CELF4: variants seen among roughly 807,000 people sequenced by gnomAD.
CELF4 encodes the protein CUG-BP- and ETR-3-like factor 4.
In CELF4, 18 loss-of-function variants were observed where a neutral mutation model predicts 59.9. The ratio of observed to expected loss-of-function variants is 0.30; its 90% CI spans 0.21 to 0.45. The LOEUF is 0.45. CELF4 is among the 20% of genes least tolerant of loss of function. The pLI is 1.00. For synonymous variants in CELF4, 261 were observed against 267.1 expected (o/e 0.98, Z 0.22); for missense variants, 456 against 689.0 (o/e 0.66, Z 3.79).
intron 2 of CELF4, among the ~76,000 whole-genome samples, chr18:37,343,656 A>C (rs1298795086): frequency 6.6e-6 from 1 of 152,086 alleles, no homozygotes; most frequent in Non-Finnish European, 1.5e-5. Flanking sequence ...GCCTGACTGC[A>C]AGCTGGGCAC....
At chr18:37,270,368 G>A (rs1203337907) in intron 8 of CELF4, among the ~76,000 whole-genome samples, 1 of 152,224 alleles carries the variant, frequency 6.6e-6, no homozygotes, top group Admixed American at 6.5e-5. Context: ...TTCCCAAAGA[G>A]TCTTTTCCTA....
At chr18:37,270,052 T>G (rs2090370194) in intron 8 of CELF4, among the ~76,000 whole-genome samples, 1 of 152,216 alleles carries the variant, frequency 6.6e-6, no homozygotes, top group Non-Finnish European at 1.5e-5. Context: ...CCTGCCCTGA[T>G]AGCAGCCCAT....
chr18:37,508,687 G>C (rs1195566930), intron 1 of CELF4, among the ~76,000 whole-genome samples: 4 of 152,236 alleles, frequency 2.6e-5, no homozygotes, highest in African/African-American at 9.6e-5. Flanking sequence ...CATGCTGTGA[G>C]CTCAAGTGGT....
Position 37,275,099 on chromosome 18 carries a change from G to A in CELF4, c.577+16C>T, listed in dbSNP as rs762328660. 1 of 1,611,542 alleles carries A rather than the reference G, an allele frequency of 6.2e-7. No individual in the cohort carries two copies. Among genetic ancestry groups the A allele is most frequent in the Non-Finnish European group, 8.5e-7 (1 of 1,179,012 alleles). On this transcript the variant is annotated intron_variant, in intron 4 of 12. Coordinates refer to ENST00000420428, the MANE Select transcript of CELF4 (RefSeq NM_020180.4). ...CCCTCCCTCCGGGGCATCCCTCCCG[G>A]CCCCGCCCCGCGCACCCTTGCTGTT...
chr18:37,500,797 G>T (rs1285386539), intron 1 of CELF4, among the ~76,000 whole-genome samples: 1 of 152,122 alleles, frequency 6.6e-6, no homozygotes, highest in Non-Finnish European at 1.5e-5. Flanking sequence ...GTCTCCCAAA[G>T]TGCTGGGATT....
chr18:37,478,095 G>T (rs1414298596), intron 2 of CELF4, among the ~76,000 whole-genome samples: 1 of 152,176 alleles, frequency 6.6e-6, no homozygotes, highest in African/African-American at 2.4e-5. Flanking sequence ...AGACACTGTC[G>T]TCCTTGCTCT....
intron 2 of CELF4, among the ~76,000 whole-genome samples, chr18:37,456,024 C>G (rs542334414): frequency 6.6e-6 from 1 of 152,206 alleles, no homozygotes. Context: ...ATCTGGGCCC[C>G]GTGGCTTCTG....
intron 2 of CELF4, among the ~76,000 whole-genome samples, chr18:37,349,414 T>A (rs1343805421): frequency 6.6e-6 from 1 of 152,224 alleles, no homozygotes; most frequent in African/African-American, 2.4e-5. Context: ...CGTGGCTGGA[T>A]TCTTTCTGTA....
chr18:37,517,082 T>C (rs1263745342), intron 1 of CELF4, among the ~76,000 whole-genome samples: 1 of 152,186 alleles, frequency 6.6e-6, no homozygotes, highest in Non-Finnish European at 1.5e-5. Flanking sequence ...GTGAGGCAAC[T>C]GGCTCTGCAG....
At chr18:37,268,486 T>C (rs2078817273) in intron 8 of CELF4, among the ~76,000 whole-genome samples, 1 of 152,244 alleles carries the variant, frequency 6.6e-6, no homozygotes, top group Non-Finnish European at 1.5e-5. Context: ...GGCATACAGT[T>C]TGGTGCCCTC....
chr18:37,265,221 G>T (rs368039206), intron 9 of CELF4, among the ~76,000 whole-genome samples: 17 of 152,046 alleles, frequency 1.1e-4, no homozygotes, highest in Middle Eastern at 3.2e-3. Flanking sequence ...GTGTGTGTAC[G>T]TGTGTGCGCG....
intron 2 of CELF4, chr18:37,473,391 A>T (rs1466152348): frequency 6.6e-6 from 1 of 152,212 alleles, no homozygotes; most frequent in Non-Finnish European, 1.5e-5. Context: ...GTGATGTGGC[A>T]CAGCTGTCTG....
chr18:37,398,976 C>A (rs1333583063), intron 2 of CELF4, among the ~76,000 whole-genome samples: 2 of 152,134 alleles, frequency 1.3e-5, no homozygotes, highest in African/African-American at 2.4e-5. Flanking sequence ...TGTCTTCCCA[C>A]CTGTGGGTGA....
At chr18:37,391,470 C>A (rs1430842190) in intron 2 of CELF4, among the ~76,000 whole-genome samples, 1 of 152,206 alleles carries the variant, frequency 6.6e-6, no homozygotes, top group Non-Finnish European at 1.5e-5. Flanking sequence ...GTAGCACTTG[C>A]CAAGGTCCCA....
intron 1 of CELF4, among the ~76,000 whole-genome samples, chr18:37,517,504 C>T (rs1291878061): frequency 8.5e-5 from 13 of 152,236 alleles, no homozygotes; most frequent in African/African-American, 3.1e-4. Flanking sequence ...CCCTCTGTCA[C>T]TCTCCTCTTA....
intron 1 of CELF4, among the ~76,000 whole-genome samples, chr18:37,497,059 A>G (rs746391570): frequency 2.0e-5 from 3 of 152,186 alleles, no homozygotes; most frequent in Non-Finnish European, 4.4e-5. Context: ...GGAGTGCCCA[A>G]GGTGGGTGAG....
At chr18:37,347,543 G>A (rs1048718479) in intron 2 of CELF4, among the ~76,000 whole-genome samples, 1 of 152,136 alleles carries the variant, frequency 6.6e-6, no homozygotes, top group East Asian at 1.9e-4. Flanking sequence ...TTCGGGGCAG[G>A]TCGTCACCTG....
At chr18:37,549,199 G>A (rs1439280331) in intron 1 of CELF4, among the ~76,000 whole-genome samples, 2 of 152,216 alleles carry the variant, frequency 1.3e-5, no homozygotes, top group Non-Finnish European at 2.9e-5. Context: ...TTGACTGTAA[G>A]TAGCATTTGC....
chr18:37,341,575 G>A (rs983069965), intron 2 of CELF4, among the ~76,000 whole-genome samples: 4 of 152,156 alleles, frequency 2.6e-5, no homozygotes, highest in Non-Finnish European at 4.4e-5. Flanking sequence ...GACAGTTCAC[G>A]CAGGAACTCC....
Sources: allele counts gnomAD v4.1 joint callset (sites outside exome capture counted in the v4.1 genomes callset), GRCh38; gene constraint gnomAD v4.1.1; transcripts MANE v1.5; gene names NCBI Gene and HGNC (gene_info 2026-07-23, HGNC 2026-07-21).